The following MED26 variants were observed in gnomAD, a reference collection of about 807,000 sequenced individuals.
MED26 encodes mediator complex subunit 26.
In MED26, 7 loss-of-function variants were observed where a neutral mutation model predicts 43.7. The observed-to-expected ratio is 0.16, with a 90% CI of 0.09 to 0.30. The LOEUF is 0.30. Ranked by LOEUF, MED26 falls within the 10% of genes least tolerant of loss-of-function variation. The probability of loss-of-function intolerance (pLI) is 1.00; values close to 1 mark genes in which losing one functional copy is unlikely to be tolerated. For missense variants in MED26, 784 were observed against 840.6 expected, an observed-to-expected ratio of 0.93 and a Z score of 0.83; for synonymous variants, 375 against 371.1, an observed-to-expected ratio of 1.01 and a Z score of -0.12.
intron 1 of MED26, among the ~76,000 whole-genome samples, chr19:16,615,482 C>T (rs2122448471): frequency 6.6e-6 from 1 of 152,254 alleles, no homozygotes; most frequent in South Asian, 2.1e-4. Flanking sequence ...GGGACTCACG[C>T]CTGTCATTCA....
chr19:16,608,571 T>C (rs1197742453), intron 1 of MED26, among the ~76,000 whole-genome samples: 1 of 152,226 alleles, frequency 6.6e-6, no homozygotes, highest in African/African-American at 2.4e-5. Context: ...ATCTGCAAAC[T>C]CCTGGGCCAT....
chr19:16,619,757 C>T (rs775228116), intron 1 of MED26, among the ~76,000 whole-genome samples: 121 of 152,166 alleles, frequency 8.0e-4, no homozygotes, highest in Admixed American at 1.6e-3. Flanking sequence ...CCACAGCCAA[C>T]GCCCTATAAA....
intron 1 of MED26, 140 bp from the exon 2 acceptor site, chr19:16,578,549 G>T: frequency 1.4e-6 from 1 of 721,982 alleles, no homozygotes; most frequent in Non-Finnish European, 2.3e-6. Flanking sequence ...ACTCCATGTC[G>T]TCTCCTACCT....
intron 1 of MED26, among the ~76,000 whole-genome samples, chr19:16,609,941 T>TA (rs869040520): frequency 0.047 from 3,996 of 84,402 alleles, 117 homozygotes; most frequent in Non-Finnish European, 0.062. Context: ...AAGCACTCTT[T>TA]AAAAAAAAAA....
At position 16,576,349 on chromosome 19, in the gene MED26, C is replaced by T; in HGVS notation, c.1481G>A (p.Ser494Asn). 1 of 1,614,066 alleles carries T rather than the reference C, an allele frequency of 6.2e-7. No homozygotes were observed. Among genetic ancestry groups the T allele is most frequent in the Non-Finnish European group, 8.5e-7 (1 of 1,180,034 alleles). ...EIIQSYLSRQSSLLSSSGAQT... is the reference protein window; with the variant it reads ...EIIQSYLSRQNSLLSSSGAQT... The stretch of plus-strand genomic sequence containing the variant: ...CGCGCCCGATGATGAGAGCAGGCTG[C>T]TCTGCCGGCTCAGGTAGGACTGGAT... Residue 494 changes from serine (S) to asparagine (N), a missense_variant, in exon 3 of 3, where the codon AGC becomes AAC. This residue lies in a region of MED26 where 719 missense variants were observed against 730.9 expected (regional missense o/e 0.98). Coordinates refer to ENST00000263390, the MANE Select transcript of MED26 (RefSeq NM_004831.5). This position sits in a 1 kb window ranked among gnomAD's most constrained non-coding sequence, Gnocchi z 6.8.
Position 16,575,703 on chromosome 19 carries a change from A to G in MED26, c.*324T>C, listed in dbSNP as rs921402610. On this transcript the variant is annotated 3_prime_UTR_variant, in exon 3 of 3. Transcript: ENST00000263390. Reference sequence around the variant, plus strand: ...AGGCCCCAGCTTTCAGGTGCTGGAAAGTGTCCGCACCTCTTTGGGGGTGAG... The same window carrying G: ...AGGCCCCAGCTTTCAGGTGCTGGAAGGTGTCCGCACCTCTTTGGGGGTGAG... The G allele has an allele frequency of 1.7e-5, 5 of 286,444 alleles. No individual in the cohort carries two copies. The highest frequency in any genetic ancestry group is 6.0e-5 in the South Asian group (1 of 16,584). 17.7% of individuals were successfully genotyped at this position (286,444 alleles called of 1,614,324 possible). A position where few individuals can be genotyped will look rare whatever the true frequency, so the allele number is the denominator to read the frequency against.
intron 1 of MED26, among the ~76,000 whole-genome samples, chr19:16,620,773 A>T (rs1174812920): frequency 6.6e-6 from 1 of 152,228 alleles, no homozygotes. Context: ...GGTGTCACAC[A>T]CATACAGGTA....
chr19:16,621,546 C>T (rs915345536), intron 1 of MED26, among the ~76,000 whole-genome samples: 5 of 152,160 alleles, frequency 3.3e-5, no homozygotes, highest in Non-Finnish European at 2.9e-5. Context: ...GGCCTTTAAC[C>T]CCAATTGCCT....
In MED26 at chr19:16,583,045, C is replaced by G. The variant is rs1331320347; in HGVS notation, c.73-4636G>C. On this transcript the variant is annotated intron_variant, in intron 1 of 2. Coordinates refer to ENST00000263390, the MANE Select transcript of MED26 (RefSeq NM_004831.5). The stretch of plus-strand genomic sequence containing the variant: ...TCTATCTGGGGAAGTACACTAGATC[C>G]TAATCTCAGCACAGACACAGTTTGA... 3.3e-5 allele frequency among the ~76,000 whole-genome samples: 5 copies of G among 152,230 alleles called. No homozygotes were observed. In the East Asian group the frequency reaches 9.6e-4, roughly 29 times the overall value.
chr19:16,612,253 T>G (rs1382417227), intron 1 of MED26: 1 of 152,212 alleles, frequency 6.6e-6, no homozygotes, highest in Non-Finnish European at 1.5e-5. Context: ...CAGTAAAATC[T>G]TGGAGATCTT....
At chr19:16,610,123 G>A (rs1246620746) in intron 1 of MED26, among the ~76,000 whole-genome samples, 1 of 151,880 alleles carries the variant, frequency 6.6e-6, no homozygotes, top group Non-Finnish European at 1.5e-5. Context: ...AGTGAGGTGT[G>A]GTGGCTAGCA....
intron 1 of MED26, among the ~76,000 whole-genome samples, chr19:16,616,741 G>A (rs770034822): frequency 2.0e-5 from 3 of 152,186 alleles, no homozygotes; most frequent in Non-Finnish European, 4.4e-5. Context: ...CTTAAGGGCC[G>A]AAGACCGTGA....
chr19:16,598,335 T>A (rs1373923240), intron 1 of MED26, among the ~76,000 whole-genome samples: 7 of 16,838 alleles, frequency 4.2e-4, no homozygotes, highest in African/African-American at 8.7e-4. Context: ...AGATTCCATC[T>A]CAAAAAAAAA....
intron 1 of MED26, among the ~76,000 whole-genome samples, chr19:16,602,961 A>T (rs2086156582): frequency 6.6e-6 from 1 of 152,232 alleles, no homozygotes; most frequent in African/African-American, 2.4e-5. Flanking sequence ...TACAGTTAAA[A>T]ACAGCTAAGA....
chr19:16,606,973 T>C (rs2122432002), intron 1 of MED26, among the ~76,000 whole-genome samples: 1 of 152,302 alleles, frequency 6.6e-6, no homozygotes, highest in Non-Finnish European at 1.5e-5. Flanking sequence ...TCCTCTTGTC[T>C]CAGACTCCCA....
intron 1 of MED26, among the ~76,000 whole-genome samples, chr19:16,609,453 A>C (rs183746296): frequency 1.3e-5 from 2 of 152,210 alleles, no homozygotes; most frequent in East Asian, 3.9e-4. Context: ...TATGGAACTG[A>C]CAACAGTGTT....
chr19:16,605,272 A>G (rs1195735515), intron 1 of MED26, among the ~76,000 whole-genome samples: 1 of 152,212 alleles, frequency 6.6e-6, no homozygotes, highest in African/African-American at 2.4e-5. Context: ...AGACCTCACT[A>G]AAGGCAGTTT....
intron 1 of MED26, chr19:16,597,497 C>T (rs924711096): frequency 2.5e-6 from 1 of 398,468 alleles, no homozygotes; most frequent in Non-Finnish European, 4.4e-6. Flanking sequence ...AACAACACAC[C>T]AAGACAATCA....
intron 1 of MED26, among the ~76,000 whole-genome samples, chr19:16,593,066 A>G (rs933642557): frequency 6.6e-6 from 1 of 152,226 alleles, no homozygotes; most frequent in African/African-American, 2.4e-5. Context: ...TCCAGACACC[A>G]GCACCTGGTC....
Sources: allele counts gnomAD v4.1 joint callset (sites outside exome capture counted in the v4.1 genomes callset), GRCh38; gene constraint gnomAD v4.1.1; regional missense constraint gnomAD v4.1.1; non-coding constraint Gnocchi (gnomAD v3.1); transcripts MANE v1.5; gene names NCBI Gene and HGNC (gene_info 2026-07-23, HGNC 2026-07-21).